The following HADHB variants were observed in gnomAD, a reference collection of about 807,000 sequenced individuals.
HADHB encodes the protein trifunctional enzyme subunit beta, mitochondrial.
Under a neutral mutation model 61.9 loss-of-function variants are expected in HADHB, and 50 were observed. The observed-to-expected ratio is 0.81, with a 90% CI of 0.64 to 1.02. The LOEUF (loss-of-function observed/expected upper bound fraction) is 1.02, where lower values mean the gene tolerates loss of function less well. Ranked by LOEUF, HADHB falls within the 50% of genes least tolerant of loss-of-function variation. HADHB has a pLI of 0.00. For missense variants in HADHB, 504 were observed against 586.5 expected (o/e 0.86, Z 1.45); for synonymous variants, 191 against 201.6 (o/e 0.95, Z 0.45).
chr2:26,247,079 A>G (rs1671197063), intron 1 of HADHB, among the ~76,000 whole-genome samples: 1 of 152,152 alleles, frequency 6.6e-6, no homozygotes, highest in African/African-American at 2.4e-5. Flanking sequence ...TTGTGTTTCA[A>G]AGTTGTAATA....
chr2:26,256,184 G>A (rs1170878211), intron 3 of HADHB, among the ~76,000 whole-genome samples: 1 of 152,218 alleles, frequency 6.6e-6, no homozygotes, highest in Admixed American at 6.5e-5. Context: ...GATGATGATA[G>A]TGGTACCAGA....
chr2:26,273,494 A>G (rs946017625), intron 5 of HADHB, among the ~76,000 whole-genome samples, 157 bp from the exon 6 acceptor site: 8 of 152,164 alleles, frequency 5.3e-5, no homozygotes, highest in Non-Finnish European at 1.2e-4. Flanking sequence ...CTTCTTTGAG[A>G]AGGTGCCAAA....
intron 13 of HADHB, 44 bp downstream of exon 13, chr2:26,284,248 A>C: frequency 1.9e-6 from 2 of 1,026,504 alleles, no homozygotes; most frequent in Non-Finnish European, 3.1e-6. Context: ...ATAGTCATAA[A>C]AAATGTCATC....
intron 10 of HADHB, among the ~76,000 whole-genome samples, chr2:26,281,655 C>T (rs1250439098): frequency 6.6e-6 from 1 of 152,192 alleles, no homozygotes; most frequent in Non-Finnish European, 1.5e-5. Context: ...ATTTTGGGGA[C>T]TGCATTAGTG....
intron 6 of HADHB, among the ~76,000 whole-genome samples, chr2:26,275,270 A>T (rs1672496023): frequency 6.6e-6 from 1 of 151,940 alleles, no homozygotes; most frequent in South Asian, 2.1e-4. Context: ...TTTTCAGCCA[A>T]AGAGTTTCTT....
intron 12 of HADHB, among the ~76,000 whole-genome samples, chr2:26,283,682 T>C (rs1411777704): frequency 6.6e-6 from 1 of 152,198 alleles, no homozygotes; most frequent in Non-Finnish European, 1.5e-5. Context: ...TATGCATTTT[T>C]TCATATGGCT....
intron 3 of HADHB, among the ~76,000 whole-genome samples, chr2:26,256,052 ATGTT>A (rs567469686): frequency 4.9e-4 from 74 of 152,324 alleles, no homozygotes; most frequent in African/African-American, 1.6e-3. Flanking sequence ...ACTGTTTCTG[ATGTT>A]TGTGTCTCCC....
At chr2:26,285,255 C>A in intron 14 of HADHB, 152 bp from the exon 15 acceptor site, 1 of 684,194 alleles carries the variant, frequency 1.5e-6, no homozygotes, top group Non-Finnish European at 2.5e-6. Context: ...TAATATTGAC[C>A]TAGACTTACT....
At chr2:26,283,095 G>A (rs760412959) in intron 12 of HADHB, 44 bp downstream of exon 12, 4 of 1,209,356 alleles carry the variant, frequency 3.3e-6, no homozygotes, top group Non-Finnish European at 4.9e-6. Flanking sequence ...ACAAGTATTT[G>A]ATTGCCTATG....
intron 4 of HADHB, among the ~76,000 whole-genome samples, chr2:26,265,649 C>G (rs1409322749): frequency 6.6e-6 from 1 of 152,158 alleles, no homozygotes; most frequent in African/African-American, 2.4e-5. Context: ...TCAACTGTTT[C>G]ATTTACTTTT....
rs752219889 is a variant in HADHB at position 26,290,182 on chromosome 2, A to T, written c.*229A>T. The T allele has an allele frequency of 3.5e-5, 20 of 573,274 alleles. No individual in the cohort carries two copies. The highest frequency in any genetic ancestry group is 5.6e-5 in the Non-Finnish European group (18 of 319,378). The allele number at this position is 573,274 out of a possible 1,614,324, so 35.5% of individuals were successfully genotyped here. On this transcript the variant is annotated 3_prime_UTR_variant, in exon 16 of 16. Coordinates refer to ENST00000317799, the MANE Select transcript of HADHB (RefSeq NM_000183.3). ...CTAAGCCACCAGAATCTCACATGAG[A>T]TGTGTGGGTGGTTGTTTTTGGTCTC...
intron 15 of HADHB, among the ~76,000 whole-genome samples, chr2:26,288,597 T>C (rs1220414172): frequency 6.6e-6 from 1 of 151,382 alleles, no homozygotes; most frequent in African/African-American, 2.4e-5. Context: ...TAGTCCCAGC[T>C]ACTCGGGAGG....
At chr2:26,257,196 C>G (rs2147803714) in intron 3 of HADHB, among the ~76,000 whole-genome samples, 1 of 150,708 alleles carries the variant, frequency 6.6e-6, no homozygotes, top group East Asian at 2.0e-4. Context: ...TCTCGGCTCA[C>G]TGCAAGCTCT....
intron 3 of HADHB, among the ~76,000 whole-genome samples, chr2:26,258,112 A>G (rs924802236): frequency 6.6e-6 from 1 of 152,152 alleles, no homozygotes; most frequent in African/African-American, 2.4e-5. Flanking sequence ...AACAGTTTGC[A>G]TTAGGTCCCT....
chr2:26,255,282 C>T (rs1487622172), intron 3 of HADHB, among the ~76,000 whole-genome samples: 2 of 152,018 alleles, frequency 1.3e-5, no homozygotes, highest in Non-Finnish European at 2.9e-5. Context: ...GGTGGATGGC[C>T]TGAGGTCAGG....
chr2:26,284,151 G>A lies in HADHB; in HGVS notation c.1096G>A (p.Ala366Thr). The change falls in exon 13 of 16, where the codon GCA becomes ACA. Residue 366 changes from alanine to threonine, a missense_variant. By Grantham distance (58) the Ala-to-Thr change is moderately conservative. Coordinates refer to ENST00000317799, the MANE Select transcript of HADHB (RefSeq NM_000183.3). ...TGCTACTCCAAAAGTTCTAGAAAAG[G>A]CAGGATTGACCATGAATGATATTGA... Reference protein sequence around the residue: ...TYATPKVLEKAGLTMNDIDAF... With the variant: ...TYATPKVLEKTGLTMNDIDAF... 6.2e-7 allele frequency: 1 copy of A among 1,601,926 alleles called. No homozygotes were observed. Among genetic ancestry groups the A allele is most frequent in the Non-Finnish European group, 8.6e-7 (1 of 1,169,106 alleles).
chr2:26,273,579 T>C, intron 5 of HADHB, 72 bp from the exon 6 acceptor site: 1 of 825,872 alleles, frequency 1.2e-6, no homozygotes, highest in South Asian at 1.3e-5. Context: ...AGGAGCGCAG[T>C]GTTTTGTGTG....
intron 15 of HADHB, among the ~76,000 whole-genome samples, chr2:26,286,269 C>T (rs994039516): frequency 2.6e-5 from 4 of 152,146 alleles, no homozygotes; most frequent in Admixed American, 1.3e-4. Flanking sequence ...TATCTAGTCA[C>T]CATAAGACTT....
intron 15 of HADHB, among the ~76,000 whole-genome samples, chr2:26,286,813 GTTTTT>G (rs1201781156): frequency 9.7e-6 from 1 of 103,538 alleles, no homozygotes. Flanking sequence ...GCCTGTTTTT[GTTTTT>G]TTTTTTTTTT....
Sources: gnomAD v4.1 joint callset for allele counts (sites outside exome capture counted in the v4.1 genomes callset) on GRCh38, gnomAD v4.1.1 for gene constraint, MANE v1.5 for transcripts, NCBI Gene and HGNC (gene_info 2026-07-23, HGNC 2026-07-21) for gene names.